Variants in ROBO2 observed in about 807,000 individuals in gnomAD.
ROBO2 encodes the protein roundabout homolog 2.
ROBO2 carries 53 observed loss-of-function variants against 160.8 expected under a neutral mutation model. The observed-to-expected ratio is 0.33, with a 90% confidence interval of 0.26 to 0.41. ROBO2 has a LOEUF of 0.41. ROBO2 is among the 10% of genes least tolerant of loss of function. The pLI is 1.00. For synonymous variants in ROBO2, 664 were observed against 611.7 expected (o/e 1.09, Z -1.26); for missense variants, 1,577 against 1,722.4 (o/e 0.92, Z 1.49).
At chr3:76,811,308 G>A (rs2065142052) in intron 2 of ROBO2, among the ~76,000 whole-genome samples, 1 of 152,082 alleles carries the variant, frequency 6.6e-6, no homozygotes, top group African/African-American at 2.4e-5. Context: ...ACACAGAATA[G>A]TCTCAGATAA....
chr3:76,985,678 A>G (rs903757306), intron 2 of ROBO2, among the ~76,000 whole-genome samples: 4 of 151,638 alleles, frequency 2.6e-5, no homozygotes, highest in Admixed American at 1.3e-4. Flanking sequence ...CAATTTGAAC[A>G]TTGTTAGCAA....
At chr3:76,721,022 C>T (rs2093457308) in intron 2 of ROBO2, among the ~76,000 whole-genome samples, 1 of 152,236 alleles carries the variant, frequency 6.6e-6, no homozygotes, top group South Asian at 2.1e-4. Context: ...CAAAATCTGG[C>T]ATAAATTCTT....
intron 2 of ROBO2, among the ~76,000 whole-genome samples, chr3:76,109,955 G>A (rs191235834): frequency 4.0e-5 from 6 of 151,810 alleles, no homozygotes; most frequent in African/African-American, 9.7e-5. Flanking sequence ...TAAGATGATA[G>A]CCTCCAGTTC....
intron 2 of ROBO2, among the ~76,000 whole-genome samples, chr3:77,106,098 A>G (rs1207994751): frequency 6.6e-6 from 1 of 152,146 alleles, no homozygotes; most frequent in East Asian, 1.9e-4. Flanking sequence ...ACTGGAGTGC[A>G]GCGGTGTGAT....
intron 2 of ROBO2, among the ~76,000 whole-genome samples, chr3:77,384,110 A>G (rs2073851497): frequency 6.6e-6 from 1 of 152,294 alleles, no homozygotes; most frequent in Admixed American, 6.5e-5. Flanking sequence ...GAGTTTTTTC[A>G]TATATACTCT....
In ROBO2 at chr3:76,338,614, T is replaced by G. The variant is rs555329110; in HGVS notation, c.109+401012T>G. 2.8e-4 allele frequency among the ~76,000 whole-genome samples: 43 copies of G among 151,974 alleles called. 1 individual carries two copies. In the South Asian group the frequency reaches 4.4e-3, roughly 15 times the overall value. ...TCATTTGAGCCCAGGAGTTTGAGGT[T>G]ACATTGAGCTATGATTGCCCCAGTA... On this transcript the variant is annotated intron_variant, in intron 2 of 26. Coordinates refer to the ROBO2 transcript ENST00000487694.
intron 2 of ROBO2, among the ~76,000 whole-genome samples, chr3:75,993,994 C>T (rs2107526469): frequency 6.6e-6 from 1 of 152,238 alleles, no homozygotes; most frequent in African/African-American, 2.4e-5. Flanking sequence ...CCTTTTAAAG[C>T]ACAGGGCCAG....
intron 2 of ROBO2, among the ~76,000 whole-genome samples, chr3:76,166,163 G>A (rs961914069): frequency 1.3e-5 from 2 of 152,128 alleles, no homozygotes; most frequent in Non-Finnish European, 2.9e-5. Flanking sequence ...CCTTCAATGT[G>A]TGAAAAGCAC....
intron 2 of ROBO2, among the ~76,000 whole-genome samples, chr3:76,533,448 T>A (rs17014324): frequency 0.012 from 1,783 of 152,332 alleles, 32 homozygotes; most frequent in African/African-American, 0.039. Flanking sequence ...AGAGGAAAAA[T>A]TGCTCATGTG....
chr3:76,489,245 A>G (rs1296358553), intron 2 of ROBO2, among the ~76,000 whole-genome samples: 1 of 148,460 alleles, frequency 6.7e-6, no homozygotes, highest in African/African-American at 2.5e-5. Context: ...GATGTGTTTT[A>G]TAAGAGATGA....
chr3:77,446,215 T>C (rs1448622567), intron 2 of ROBO2, among the ~76,000 whole-genome samples: 2 of 151,996 alleles, frequency 1.3e-5, no homozygotes, highest in African/African-American at 2.4e-5. Context: ...TTGTCAAAGA[T>C]TCACTTACTA....
At chr3:77,523,148 A>G (rs1216026694) in intron 6 of ROBO2, among the ~76,000 whole-genome samples, 1 of 151,392 alleles carries the variant, frequency 6.6e-6, no homozygotes, top group Non-Finnish European at 1.5e-5. Context: ...TTAATAGTTT[A>G]TATGGCTTAA....
exon 1 of ROBO2, chr3:77,040,006 A>T: frequency 1.4e-6 from 1 of 693,710 alleles, no homozygotes; most frequent in Non-Finnish European, 1.8e-6. Context: ...CTATCCTCAG[A>T]GGCGGCACCG....
intron 2 of ROBO2, among the ~76,000 whole-genome samples, chr3:76,711,242 G>A (rs934898043): frequency 5.3e-5 from 8 of 152,136 alleles, no homozygotes; most frequent in African/African-American, 1.4e-4. Context: ...AAAGCAAAGC[G>A]GAAGCAAGCA....
rs79249260 is a variant in ROBO2, at chr3:76,767,728, A to T, written c.110-330286A>T. ...CTTTATTTTTTAATTAATGTATCAC[A>T]TTGACATATTGTATAGTGAGTACAG... On this transcript the variant is annotated intron_variant, in intron 2 of 26. Transcript: ENST00000487694. 1.2e-3 allele frequency among the ~76,000 whole-genome samples: 184 copies of T among 151,624 alleles called. 1 individual carries two copies. Among genetic ancestry groups the T allele is most frequent in the African/African-American group, 4.1e-3 (169 of 41,490 alleles).
Position 76,478,376 on chromosome 3 carries a change from G to T in ROBO2, c.109+540774G>T, listed in dbSNP as rs368635634. Among the ~76,000 whole-genome samples the T allele has an allele frequency of 2.6e-4, 39 of 151,622 alleles. 1 individual carries two copies. The highest frequency in any genetic ancestry group is 2.1e-3 in the South Asian group (10 of 4,796). Reference sequence around the variant, plus strand: ...CATGAACTCATCATTTTTTATGGCTGCATAGTATTCCATGGTGTATATGTG... The same window carrying T: ...CATGAACTCATCATTTTTTATGGCTTCATAGTATTCCATGGTGTATATGTG... On this transcript the variant is annotated intron_variant, in intron 2 of 26. Transcript: ENST00000487694.
intron 2 of ROBO2, among the ~76,000 whole-genome samples, chr3:76,337,818 A>G (rs950568703): frequency 6.6e-6 from 1 of 152,180 alleles, no homozygotes; most frequent in Non-Finnish European, 1.5e-5. Flanking sequence ...ATAGTTGTCT[A>G]TTGTCATTAT....
intron 2 of ROBO2, among the ~76,000 whole-genome samples, chr3:76,692,247 C>A (rs1257489820): frequency 6.6e-6 from 1 of 152,172 alleles, no homozygotes; most frequent in Admixed American, 6.6e-5. Flanking sequence ...TGGCCATAGT[C>A]ATTTCCAAGG....
intron 2 of ROBO2, among the ~76,000 whole-genome samples, chr3:76,144,250 A>G (rs183304250): frequency 2.0e-5 from 3 of 152,152 alleles, no homozygotes; most frequent in East Asian, 1.9e-4. Flanking sequence ...AGGCATTCCT[A>G]ATTATCTGTA....
Sources: allele counts gnomAD v4.1 joint callset (sites outside exome capture counted in the v4.1 genomes callset), GRCh38; gene constraint gnomAD v4.1.1; transcripts MANE v1.5; gene names NCBI Gene and HGNC (gene_info 2026-07-23, HGNC 2026-07-21).